Variants in LDB3 observed in about 807,000 individuals in gnomAD.
The protein encoded by LDB3 is LIM domain binding 3, also known as LIM domain-binding protein 3.
LDB3 carries 49 observed loss-of-function variants against 69.0 expected under a neutral mutation model. That is an observed-to-expected ratio of 0.71 (90% CI 0.56 to 0.90). The LOEUF is 0.90. Ranked by LOEUF, LDB3 falls within the 40% of genes least tolerant of loss-of-function variation. The pLI is 0.00. For missense variants in LDB3, 928 were observed against 974.1 expected (o/e 0.95, Z 0.63); for synonymous variants, 387 against 396.2 (o/e 0.98, Z 0.28).
intron 12 of LDB3, among the ~76,000 whole-genome samples, chr10:86,725,587 T>C (rs1847225216): frequency 6.6e-6 from 1 of 152,148 alleles, no homozygotes; most frequent in Admixed American, 6.5e-5. Flanking sequence ...ATATCAATAA[T>C]ATTTAATAGC....
chr10:86,682,112 C>T (rs972234464), intron 5 of LDB3, among the ~76,000 whole-genome samples: 4 of 152,228 alleles, frequency 2.6e-5, no homozygotes, highest in African/African-American at 7.2e-5. Context: ...TCAGGAGATT[C>T]TGACTTCCAA....
chr10:86,722,819 G>A (rs556899541), intron 12 of LDB3, among the ~76,000 whole-genome samples: 8 of 151,128 alleles, frequency 5.3e-5, no homozygotes, highest in African/African-American at 1.7e-4. Flanking sequence ...TACCTGCCTC[G>A]ACCTCCCAAA....
intron 2 of LDB3, among the ~76,000 whole-genome samples, chr10:86,671,727 G>A (rs1235074296): frequency 6.6e-6 from 1 of 152,236 alleles, no homozygotes; most frequent in African/African-American, 2.4e-5. Flanking sequence ...CCTTGGGGAA[G>A]AGGAGTATGC....
rs752815226 is a variant in LDB3, at chr10:86,668,662, TCTGCAGAGGCGGCCG to T, written c.-23-3_-12del. On this transcript the variant is annotated splice_acceptor_variant and splice_polypyrimidine_tract_variant and 5_prime_UTR_variant and intron_variant, in exon 2 of 14. Coordinates refer to ENST00000361373, the MANE Select transcript of LDB3 (RefSeq NM_007078.3). LOFTEE classifies it low-confidence loss of function (5UTR_SPLICE). ...CTCACTCAACCCTCTCTACCCTTTGTCTGCAGAGGCGGCCGCTGACAGCACCAGCATGTCTTACAG... is the reference window on the plus strand; with the variant it reads ...CTCACTCAACCCTCTCTACCCTTTGTCTGACAGCACCAGCATGTCTTACAG... 6.3e-7 allele frequency: 1 copy of T among 1,577,038 alleles called. No individual in the cohort carries two copies.
At chr10:86,687,248 A>C in intron 5 of LDB3, 1 of 1,614,176 alleles carries the variant, frequency 6.2e-7, no homozygotes, top group Non-Finnish European at 8.5e-7. Context: ...GGGCAGGCCC[A>C]AGCCCAAGGC....
At chr10:86,715,472 C>T (rs1327097875) in intron 9 of LDB3, among the ~76,000 whole-genome samples, 1 of 152,124 alleles carries the variant, frequency 6.6e-6, no homozygotes, top group African/African-American at 2.4e-5. Context: ...GCTGTGAGCC[C>T]AAAACGTTTT....
chr10:86,685,412 C>T (rs1845413171), intron 5 of LDB3, among the ~76,000 whole-genome samples: 1 of 152,212 alleles, frequency 6.6e-6, no homozygotes, highest in Non-Finnish European at 1.5e-5. Flanking sequence ...GACAAGAAAA[C>T]CCTTCTTCTG....
At chr10:86,687,330 C>A in intron 5 of LDB3, 2 of 1,485,838 alleles carry the variant, frequency 1.3e-6, no homozygotes, top group Non-Finnish European at 1.9e-6. Context: ...GGGGTATGGG[C>A]CATTGGGCAC....
intron 5 of LDB3, among the ~76,000 whole-genome samples, chr10:86,682,977 G>A (rs1426641470): frequency 6.6e-6 from 1 of 150,928 alleles, no homozygotes; most frequent in Non-Finnish European, 1.5e-5. Flanking sequence ...CAGTGAAGCT[G>A]ATTTCTGGCA....
Position 86,735,211 on chromosome 10 carries a change from A to G in LDB3, c.*2235A>G, listed in dbSNP as rs889318646. On this transcript the variant is annotated 3_prime_UTR_variant, in exon 14 of 14. Transcript: ENST00000361373. ...TTTCTACATTTCAGAGCAAGTGTAGATTCTGAGGGACTCCTATTTGCCAAA... is the reference window on the plus strand; with the variant it reads ...TTTCTACATTTCAGAGCAAGTGTAGGTTCTGAGGGACTCCTATTTGCCAAA... 6.7e-6 allele frequency: 1 copy of G among 150,042 alleles called. No individual in the cohort carries two copies. Among genetic ancestry groups the G allele is most frequent in the African/African-American group, 2.5e-5 (1 of 40,816 alleles). The allele number at this position is 150,042 out of a possible 1,614,324, so 9.3% of individuals were successfully genotyped here.
intron 9 of LDB3, among the ~76,000 whole-genome samples, chr10:86,710,753 G>A (rs902611001): frequency 2.0e-5 from 3 of 152,250 alleles, no homozygotes; most frequent in African/African-American, 7.2e-5. Context: ...AGTCAGGGCA[G>A]GCCTTGCTTC....
intron 2 of LDB3, among the ~76,000 whole-genome samples, chr10:86,671,901 C>T (rs1048273982): frequency 2.6e-5 from 4 of 152,144 alleles, no homozygotes; most frequent in African/African-American, 9.7e-5. Context: ...CACTTGAGGT[C>T]AGGAGTTTGA....
chr10:86,674,000 C>G (rs181804904), intron 2 of LDB3, among the ~76,000 whole-genome samples: 275 of 152,266 alleles, frequency 1.8e-3, no homozygotes, highest in Non-Finnish European at 3.5e-3. Context: ...TTCCTCCCCT[C>G]CCCCCAACAC....
intron 5 of LDB3, among the ~76,000 whole-genome samples, chr10:86,689,174 C>A (rs1845643606): frequency 1.3e-5 from 2 of 152,106 alleles, no homozygotes; most frequent in Non-Finnish European, 2.9e-5. Context: ...CGTTTCTGAC[C>A]CTAACCCGGC....
chr10:86,675,076 G>T (rs1243554050), intron 2 of LDB3, among the ~76,000 whole-genome samples: 1 of 152,208 alleles, frequency 6.6e-6, no homozygotes, highest in Non-Finnish European at 1.5e-5. Flanking sequence ...AGACACAGCT[G>T]CAGGGGAGAG....
chr10:86,681,380 C>T (rs568314431), intron 4 of LDB3, 56 bp from the exon 5 acceptor site: 110 of 1,596,110 alleles, frequency 6.9e-5, no homozygotes, highest in South Asian at 7.7e-5. Flanking sequence ...CGCTGGGACG[C>T]GTGTGGCCTC....
chr10:86,706,980 TG>T (rs1254805703), intron 8 of LDB3, among the ~76,000 whole-genome samples: 1 of 152,180 alleles, frequency 6.6e-6, no homozygotes, highest in Non-Finnish European at 1.5e-5. Context: ...TGTCTCTCTC[TG>T]ACACATATAC....
At chr10:86,721,300 C>T (rs991244871) in intron 12 of LDB3, among the ~76,000 whole-genome samples, 2 of 151,996 alleles carry the variant, frequency 1.3e-5, no homozygotes, top group Non-Finnish European at 1.5e-5. Context: ...TTCATTTTTA[C>T]GTCTCGTCAT....
intron 5 of LDB3, 99 bp from the exon 6 acceptor site, chr10:86,691,797 G>A: frequency 7.2e-7 from 1 of 1,379,738 alleles, no homozygotes; most frequent in Middle Eastern, 1.9e-4. Flanking sequence ...GGTGGGGACA[G>A]AACGATAGGG....
Sources: gnomAD v4.1 joint callset for allele counts (sites outside exome capture counted in the v4.1 genomes callset) on GRCh38, gnomAD v4.1.1 for gene constraint, MANE v1.5 for transcripts, NCBI Gene and HGNC (gene_info 2026-07-23, HGNC 2026-07-21) for gene names.